The following PEX14 variants were observed in gnomAD, a reference collection of about 807,000 sequenced individuals.
PEX14 encodes the protein peroxisomal membrane protein PEX14.
A neutral mutation model predicts 49.5 loss-of-function variants in PEX14; 15 were observed. The observed-to-expected ratio is 0.30, with a 90% CI of 0.20 to 0.47. The LOEUF (loss-of-function observed/expected upper bound fraction) is 0.47. PEX14 is among the 20% of genes least tolerant of loss of function. The pLI is 1.00. For missense variants in PEX14, 398 were observed against 494.8 expected (o/e 0.80, Z 1.86); for synonymous variants, 210 against 212.7 (o/e 0.99, Z 0.11).
chr1:10,474,980 A>G lies in PEX14; in HGVS notation c.14A>G (p.Glu5Gly), dbSNP rs932921080. The stretch of plus-strand genomic sequence containing the variant: ...GGCCTCAGAAAGATGGCGTCCTCGG[A>G]GCAGGCAGAGCAGCCGAGCCAGGTA... MASS[E>G]QAEQPSQPSS... is the part of the protein sequence containing the mutation. Residue 5 changes from glutamate to glycine, a missense_variant, in exon 1 of 9, where the codon GAG (glutamate) becomes GGG (glycine). Glu to Gly is a moderately conservative substitution (Grantham distance 98, BLOSUM62 -2). This residue lies in a region of PEX14 where 56 missense variants were observed against 40.8 expected (regional missense o/e 1.37). Transcript: ENST00000356607. 9.3e-6 allele frequency: 15 copies of G among 1,609,284 alleles called. No homozygotes were observed. The highest frequency in any genetic ancestry group is 1.3e-5 in the Non-Finnish European group (15 of 1,178,324).
chr1:10,493,987 GA>G (rs924567411), intron 1 of PEX14, among the ~76,000 whole-genome samples: 1 of 152,186 alleles, frequency 6.6e-6, no homozygotes, highest in African/African-American at 2.4e-5. Context: ...CTAAAGGTTT[GA>G]AGTTACCAAT....
intron 1 of PEX14, among the ~76,000 whole-genome samples, chr1:10,488,936 T>C (rs139948353): frequency 0.011 from 1,739 of 152,334 alleles, 42 homozygotes; most frequent in African/African-American, 0.039. Context: ...CTTATTGTTA[T>C]TGGTTACATT....
chr1:10,612,833 G>A (rs1269886499), intron 4 of PEX14, among the ~76,000 whole-genome samples: 2 of 152,244 alleles, frequency 1.3e-5, no homozygotes, highest in South Asian at 4.1e-4. Context: ...TGGCTTCTGA[G>A]CGAAGCTGAT....
chr1:10,496,037 G>A (rs1641554135), intron 2 of PEX14, among the ~76,000 whole-genome samples: 1 of 152,196 alleles, frequency 6.6e-6, no homozygotes, highest in Non-Finnish European at 1.5e-5. Flanking sequence ...AGCGATAGCA[G>A]GCGTAGGGCT....
chr1:10,574,614 G>GA (rs1043355539), intron 3 of PEX14, among the ~76,000 whole-genome samples: 5 of 151,734 alleles, frequency 3.3e-5, no homozygotes, highest in African/African-American at 4.8e-5. Flanking sequence ...GGCTAGGAGA[G>GA]AAAAAAACAG....
rs1641666395 is a variant in PEX14, at chr1:10,623,893, G to A, written c.488-447G>A. The stretch of plus-strand genomic sequence containing the variant: ...GGTCAGGTGGGGAGGGTGGGAAGGA[G>A]CAGTGGGAAACAGGACGTGCGGCTT... On this transcript the variant is annotated intron_variant, in intron 6 of 8. Coordinates refer to ENST00000356607, the MANE Select transcript of PEX14 (RefSeq NM_004565.3). This position sits in a 1 kb window ranked among gnomAD's most constrained non-coding sequence, Gnocchi z 4.4. Among the ~76,000 whole-genome samples, 1 of 152,216 alleles carries A rather than the reference G, an allele frequency of 6.6e-6. No individual in the cohort carries two copies. The highest frequency in any genetic ancestry group is 1.5e-5 in the Non-Finnish European group (1 of 68,032).
chr1:10,601,041 C>T (rs1640970260), intron 4 of PEX14, among the ~76,000 whole-genome samples: 1 of 152,070 alleles, frequency 6.6e-6, no homozygotes, highest in Non-Finnish European at 1.5e-5. Context: ...GCGGGCGGAT[C>T]ACTTGAGGTC....
intron 3 of PEX14, among the ~76,000 whole-genome samples, chr1:10,598,607 C>T (rs530477303): frequency 6.6e-6 from 1 of 152,304 alleles, no homozygotes; most frequent in South Asian, 2.1e-4. Flanking sequence ...ATACAGGCAG[C>T]GTGTGATAGG....
chr1:10,488,361 T>C (rs1020334743), intron 1 of PEX14, among the ~76,000 whole-genome samples: 2 of 151,852 alleles, frequency 1.3e-5, no homozygotes, highest in Non-Finnish European at 2.9e-5. Context: ...TTCACTGTAC[T>C]GGCCAGGCTG....
intron 1 of PEX14, among the ~76,000 whole-genome samples, chr1:10,475,464 TCA>T (rs1641179455): frequency 6.6e-6 from 1 of 152,190 alleles, no homozygotes; most frequent in South Asian, 2.1e-4. Context: ...TCATCTGTGG[TCA>T]CCTTTGCGCT....
At chr1:10,609,617 G>T (rs1232704657) in intron 4 of PEX14, among the ~76,000 whole-genome samples, 1 of 152,188 alleles carries the variant, frequency 6.6e-6, no homozygotes, top group Non-Finnish European at 1.5e-5. Context: ...AGGTGCAGTG[G>T]CTCATGCCTG....
intron 3 of PEX14, among the ~76,000 whole-genome samples, chr1:10,582,179 T>A (rs1402633192): frequency 1.4e-5 from 2 of 145,040 alleles, no homozygotes; most frequent in Non-Finnish European, 3.0e-5. Flanking sequence ...ATAAACAGCT[T>A]TTTTTTTTTA....
rs556435506 is a variant in PEX14 at position 10,481,286 on chromosome 1, C to T, written c.36+6284C>T. 5.3e-5 allele frequency among the ~76,000 whole-genome samples: 8 copies of T among 151,856 alleles called. No homozygotes were observed. In the South Asian group the frequency reaches 6.3e-4, roughly 12 times the overall value. ...CCAAGTAGCTGGAATTACAGGTGCCCGCCACCATGCCTGGCTAATTTTTTT... is the reference window on the plus strand; with the variant it reads ...CCAAGTAGCTGGAATTACAGGTGCCTGCCACCATGCCTGGCTAATTTTTTT... On this transcript the variant is annotated intron_variant, in intron 1 of 8. Coordinates refer to ENST00000356607, the MANE Select transcript of PEX14 (RefSeq NM_004565.3).
Position 10,512,455 on chromosome 1 carries a change from A to G in PEX14, c.84+17134A>G, listed in dbSNP as rs1040296461. Among the ~76,000 whole-genome samples the G allele has an allele frequency of 6.6e-6, 1 of 152,148 alleles. No individual in the cohort carries two copies. Among genetic ancestry groups the G allele is most frequent in the Middle Eastern group, 3.2e-3 (1 of 316 alleles). On this transcript the variant is annotated intron_variant, in intron 2 of 8. Coordinates refer to ENST00000356607, the MANE Select transcript of PEX14 (RefSeq NM_004565.3). This position sits in a 1 kb window ranked among gnomAD's most constrained non-coding sequence, Gnocchi z 4.6. ...ATGGCAGACAGATTGTGGAATTTTA[A>G]TGAAGGTGGGGTGGATCCCTGATGT...
chr1:10,623,517 TC>T lies in PEX14; in HGVS notation c.487+399del, dbSNP rs1158108891. Among the ~76,000 whole-genome samples the T allele has an allele frequency of 6.6e-6, 1 of 152,138 alleles. No homozygotes were observed. Among genetic ancestry groups the T allele is most frequent in the African/African-American group, 2.4e-5 (1 of 41,424 alleles). On this transcript the variant is annotated intron_variant, in intron 6 of 8. Transcript: ENST00000356607. This position sits in a 1 kb window ranked among gnomAD's most constrained non-coding sequence, Gnocchi z 4.4. ...CAAGAGAGTCTGTAATTACTGTGGC[TC>T]CCGGGACCCCAGCCACCTCCCCTGT...
At chr1:10,540,241 G>A (rs1638961486) in intron 3 of PEX14, among the ~76,000 whole-genome samples, 1 of 152,214 alleles carries the variant, frequency 6.6e-6, no homozygotes. Flanking sequence ...TGGGCTAGAG[G>A]TAAAGGGCTT....
At chr1:10,502,176 T>A (rs1474887603) in intron 2 of PEX14, among the ~76,000 whole-genome samples, 2 of 152,246 alleles carry the variant, frequency 1.3e-5, no homozygotes, top group South Asian at 4.1e-4. Flanking sequence ...TCCTCACTCC[T>A]CTCTCATCAA....
intron 1 of PEX14, among the ~76,000 whole-genome samples, chr1:10,492,236 A>G (rs1641486228): frequency 1.3e-5 from 2 of 152,168 alleles, no homozygotes; most frequent in African/African-American, 4.8e-5. Context: ...CAAGGGATGA[A>G]CTAATTTTAA....
At chr1:10,558,602 T>C (rs1336708626) in intron 3 of PEX14, among the ~76,000 whole-genome samples, 2 of 151,874 alleles carry the variant, frequency 1.3e-5, no homozygotes, top group Admixed American at 6.6e-5. Flanking sequence ...CTGGGCATGG[T>C]GGTACACACC....
Sources: gnomAD v4.1 joint callset for allele counts (sites outside exome capture counted in the v4.1 genomes callset) on GRCh38, gnomAD v4.1.1 for gene constraint, gnomAD v4.1.1 regional missense constraint, Gnocchi (gnomAD v3.1) non-coding constraint, MANE v1.5 for transcripts, NCBI Gene and HGNC (gene_info 2026-07-23, HGNC 2026-07-21) for gene names.